Variants in DOCK7 observed in about 807,000 individuals in gnomAD.
DOCK7 encodes dedicator of cytokinesis protein 7.
Under a neutral mutation model 271.0 loss-of-function variants are expected in DOCK7, and 138 were observed. The ratio of observed to expected loss-of-function variants is 0.51; its 90% CI spans 0.44 to 0.59. The LOEUF (loss-of-function observed/expected upper bound fraction) is 0.59. DOCK7 is among the 20% of genes least tolerant of loss of function. DOCK7 has a pLI of 0.00. For missense variants in DOCK7, 2,066 were observed against 2,592.4 expected (o/e 0.80, Z 4.41); for synonymous variants, 823 against 876.1 (o/e 0.94, Z 1.07).
chr1:62,552,672 A>G (rs111995306), intron 22 of DOCK7, 60 bp downstream of exon 22: 6 of 1,484,510 alleles, frequency 4.0e-6, no homozygotes, highest in Non-Finnish European at 5.5e-6. Flanking sequence ...CAACAACTGG[A>G]TATTTCTCGT....
rs538152047 is a variant in DOCK7, at chr1:62,648,974, A to T, written c.390-430T>A. Among the ~76,000 whole-genome samples the T allele has an allele frequency of 3.3e-5, 5 of 152,250 alleles. No individual in the cohort carries two copies. The South Asian group carries it at 6.2e-4, about 19-fold the overall frequency. On this transcript the variant is annotated intron_variant, in intron 4 of 49. Coordinates refer to ENST00000635253, the MANE Select transcript of DOCK7 (RefSeq NM_001367561.1). ...TCTTAAAATTTCAAGTAGCCAAGAAATTTTTTGCTATCTCTCGTTATCTAT... is the reference window on the plus strand; with the variant it reads ...TCTTAAAATTTCAAGTAGCCAAGAATTTTTTTGCTATCTCTCGTTATCTAT...
chr1:62,552,303 CTCTT>C (rs1344827353), intron 22 of DOCK7, among the ~76,000 whole-genome samples: 2 of 152,168 alleles, frequency 1.3e-5, no homozygotes, highest in East Asian at 1.9e-4. Flanking sequence ...CTGAGTATCA[CTCTT>C]TCTAGTTTAC....
At position 62,654,137 on chromosome 1, in the gene DOCK7, T is replaced by C. The variant is rs1290322929; in HGVS notation, c.167A>G (p.Asp56Gly). ...GAGGTAATCTTCCAAATCCACTGGA[T>C]CTACTGCTTCGGTAAGGGGCACCTT... ...HTTVPLTEAV[D>G]PVDLEDYLIT... Residue 56 changes from aspartate (D) to glycine (G), a missense_variant, in exon 3 of 50, where the codon GAT (aspartate) becomes GGT (glycine). Around this residue, in one of 2 missense-constraint regions of DOCK7, gnomAD observed 1,414 missense variants for 1,670.4 expected, o/e 0.85. Coordinates refer to ENST00000635253, the MANE Select transcript of DOCK7 (RefSeq NM_001367561.1). 8 of 1,613,466 alleles carry C rather than the reference T, an allele frequency of 5.0e-6. No individual in the cohort carries two copies. The highest frequency in any genetic ancestry group is 5.9e-6 in the Non-Finnish European group (7 of 1,179,670).
At chr1:62,665,144 G>A (rs939789490) in intron 1 of DOCK7, among the ~76,000 whole-genome samples, 2 of 151,904 alleles carry the variant, frequency 1.3e-5, no homozygotes, top group African/African-American at 4.8e-5. Context: ...GCACCACCAC[G>A]CCTAGCTAAT....
chr1:62,457,881 G>T, intron 48 of DOCK7, 176 bp from the exon 49 acceptor site: 1 of 573,350 alleles, frequency 1.7e-6, no homozygotes, highest in Non-Finnish European at 3.0e-6. Context: ...CAGGCATGGT[G>T]GCTCATGGCT....
chr1:62,463,474 T>G (rs1645588048), intron 48 of DOCK7, among the ~76,000 whole-genome samples: 1 of 152,104 alleles, frequency 6.6e-6, no homozygotes, highest in Admixed American at 6.6e-5. Flanking sequence ...CCCTAGAAAA[T>G]CTCTTGTACA....
intron 33 of DOCK7, 69 bp downstream of exon 33, chr1:62,513,375 A>G: frequency 6.9e-7 from 1 of 1,457,046 alleles, no homozygotes; most frequent in Non-Finnish European, 9.2e-7. Flanking sequence ...AAAGCATAGG[A>G]TTGACATTGA....
intron 20 of DOCK7, 137 bp from the exon 21 acceptor site, chr1:62,556,126 T>A: frequency 4.6e-6 from 4 of 865,696 alleles, no homozygotes; most frequent in Non-Finnish European, 5.2e-6. Flanking sequence ...TGATTACTAT[T>A]TGATATTGAC....
intron 1 of DOCK7, among the ~76,000 whole-genome samples, chr1:62,682,047 GA>G (rs200210698): frequency 5.7e-4 from 77 of 135,382 alleles, no homozygotes; most frequent in East Asian, 1.1e-3. Flanking sequence ...GTATCTAAAA[GA>G]AAAAAAAAAA....
intron 14 of DOCK7, chr1:62,604,520 C>A: frequency 9.0e-7 from 1 of 1,110,270 alleles, no homozygotes; most frequent in Non-Finnish European, 1.3e-6. Context: ...GGGATACATG[C>A]ATCTAAAACA....
At chr1:62,587,067 G>A (rs1281867159) in intron 14 of DOCK7, among the ~76,000 whole-genome samples, 2 of 151,948 alleles carry the variant, frequency 1.3e-5, no homozygotes, top group Non-Finnish European at 2.9e-5. Context: ...TGTGGCTTTT[G>A]TATAAATGTG....
At chr1:62,596,259 GA>G (rs1300805492) in intron 14 of DOCK7, among the ~76,000 whole-genome samples, 1 of 152,054 alleles carries the variant, frequency 6.6e-6, no homozygotes, top group African/African-American at 2.4e-5. Context: ...AATCCATGGG[GA>G]GGTTAAGTAA....
intron 30 of DOCK7, among the ~76,000 whole-genome samples, chr1:62,529,063 T>A (rs1645098133): frequency 6.6e-6 from 1 of 152,222 alleles, no homozygotes; most frequent in African/African-American, 2.4e-5. Context: ...TCATTATTTT[T>A]AAATTCATCA....
In DOCK7 at chr1:62,523,469, T is replaced by A. The variant is rs528779507; in HGVS notation, c.3936+4682A>T. ...TAAATGTAAAAGGAAGAACAAAAAA[T>A]TTCGAATGTAACACAGAATACCTTC... On this transcript the variant is annotated intron_variant, in intron 31 of 49. Transcript: ENST00000635253. Among the ~76,000 whole-genome samples the A allele has an allele frequency of 2.6e-5, 4 of 152,198 alleles. No individual in the cohort carries two copies. The South Asian group carries it at 8.3e-4, about 32-fold the overall frequency.
At chr1:62,524,953 A>ATATATATATATATATATATG (rs1325570197) in intron 31 of DOCK7, among the ~76,000 whole-genome samples, 1 of 119,420 alleles carries the variant, frequency 8.4e-6, no homozygotes, top group Admixed American at 9.0e-5. Flanking sequence ...ATATATATAT[A>ATATATATATATATATATATG]TATTACTATA....
intron 1 of DOCK7, among the ~76,000 whole-genome samples, chr1:62,679,197 T>C (rs1274143725): frequency 6.6e-6 from 1 of 152,100 alleles, no homozygotes; most frequent in Non-Finnish European, 1.5e-5. Context: ...TTCATGATAA[T>C]ATGGATGAAT....
In DOCK7 at chr1:62,472,095, G is replaced by A. The variant is rs190028601; in HGVS notation, c.6212+1887C>T. Reference sequence around the variant, plus strand: ...GTTTTATTTTTGTTGCTGTTATTTCGTTTTTTTTGTTTTGTTTTGTTTTTT... The same window carrying A: ...GTTTTATTTTTGTTGCTGTTATTTCATTTTTTTTGTTTTGTTTTGTTTTTT... On this transcript the variant is annotated intron_variant, in intron 48 of 49. Coordinates refer to ENST00000635253, the MANE Select transcript of DOCK7 (RefSeq NM_001367561.1). 3.3e-3 allele frequency among the ~76,000 whole-genome samples: 496 copies of A among 151,200 alleles called. 4 individuals are homozygous for A. The highest frequency in any genetic ancestry group is 0.012 in the African/African-American group (476 of 41,190).
intron 31 of DOCK7, among the ~76,000 whole-genome samples, chr1:62,521,166 G>A (rs1003022940): frequency 6.6e-6 from 1 of 151,966 alleles, no homozygotes; most frequent in African/African-American, 2.4e-5. Flanking sequence ...ATGGGTTGAG[G>A]GGTGCAGCAA....
At chr1:62,627,458 G>A (rs1056900498) in intron 11 of DOCK7, 4 of 151,936 alleles carry the variant, frequency 2.6e-5, no homozygotes, top group African/African-American at 4.8e-5. Flanking sequence ...CAGATGACAC[G>A]GTTTTGTATA....
Sources: allele counts gnomAD v4.1 joint callset (sites outside exome capture counted in the v4.1 genomes callset), GRCh38; gene constraint gnomAD v4.1.1; regional missense constraint gnomAD v4.1.1; transcripts MANE v1.5; gene names NCBI Gene and HGNC (gene_info 2026-07-23, HGNC 2026-07-21).